The following PRMT7 variants were observed in gnomAD, a reference collection of about 807,000 sequenced individuals.
The protein encoded by PRMT7 is protein arginine N-methyltransferase 7.
In PRMT7, 75 loss-of-function variants were observed where a neutral mutation model predicts 85.4. That is an observed-to-expected ratio of 0.88 (90% CI 0.73 to 1.06). PRMT7 has a LOEUF of 1.06. PRMT7 is among the 50% of genes least tolerant of loss of function. The pLI, the probability that PRMT7 is intolerant of heterozygous loss-of-function variation, is 0.00. For missense variants in PRMT7, 868 were observed against 915.2 expected, an observed-to-expected ratio of 0.95 and a Z score of 0.67; for synonymous variants, 397 against 359.5, an observed-to-expected ratio of 1.10 and a Z score of -1.18.
chr16:68,353,604 G>A (rs372378719), intron 16 of PRMT7, 38 bp downstream of exon 16: 78 of 1,500,618 alleles, frequency 5.2e-5, no homozygotes, highest in Non-Finnish European at 6.4e-5. Flanking sequence ...CCCCCGACCT[G>A]CTCCTGTATC....
chr16:68,355,713 C>T lies in PRMT7; in HGVS notation c.1651-10C>T. 1 of 1,566,920 alleles carries T rather than the reference C, an allele frequency of 6.4e-7. No individual in the cohort carries two copies. On this transcript the variant is annotated splice_polypyrimidine_tract_variant and intron_variant, in intron 16 of 18. Coordinates refer to ENST00000441236, the MANE Select transcript of PRMT7 (RefSeq NM_019023.5). ...GTCTCTGCAGCCCCCAGGCCCCCTT[C>T]TGTTCGCAGCGTGCCCTGGACTTCA... is the stretch of plus-strand genomic sequence containing the variant.
chr16:68,336,226 C>G (rs897568971), intron 6 of PRMT7, among the ~76,000 whole-genome samples: 1 of 152,196 alleles, frequency 6.6e-6, no homozygotes, highest in Non-Finnish European at 1.5e-5. Flanking sequence ...TAGCCCCTTC[C>G]AAAGTCTATT....
downstream of PRMT7, chr16:68,358,604 T>C (rs2088990594): frequency 1.3e-5 from 2 of 152,672 alleles, no homozygotes; most frequent in African/African-American, 4.8e-5. Flanking sequence ...CTCAGCAAGT[T>C]AAAAAGCAAT....
intron 17 of PRMT7, 128 bp downstream of exon 17, chr16:68,356,011 C>A (rs1050234354): frequency 1.0e-5 from 11 of 1,065,914 alleles, no homozygotes; most frequent in South Asian, 2.2e-5. Flanking sequence ...CTCCCCACAA[C>A]CTTGCCCTTC....
intron 6 of PRMT7, among the ~76,000 whole-genome samples, chr16:68,332,256 A>C (rs990086587): frequency 6.6e-6 from 1 of 152,068 alleles, no homozygotes; most frequent in Non-Finnish European, 1.5e-5. Flanking sequence ...TGTCCTTTGC[A>C]TTGTAGGATG....
intron 15 of PRMT7, among the ~76,000 whole-genome samples, chr16:68,352,892 A>T (rs1015036742): frequency 4.6e-5 from 7 of 152,240 alleles, no homozygotes; most frequent in African/African-American, 1.7e-4. Flanking sequence ...TTTACCCTGG[A>T]TGGAGAGTGT....
At chr16:68,348,213 TA>T in intron 13 of PRMT7, 128 bp from the exon 14 acceptor site, 2 of 763,104 alleles carry the variant, frequency 2.6e-6, no homozygotes, top group Non-Finnish European at 4.4e-6. Flanking sequence ...ACAAAGCAGA[TA>T]AAAGTGGTGT....
At chr16:68,335,587 C>CT (rs879500343) in intron 6 of PRMT7, among the ~76,000 whole-genome samples, 1,455 of 143,702 alleles carry the variant, frequency 0.01, 26 homozygotes, top group African/African-American at 0.034. Flanking sequence ...AGGAAGTGTG[C>CT]TTTTTTTTTT....
At chr16:68,318,564 T>C (rs2082140918) in intron 3 of PRMT7, among the ~76,000 whole-genome samples, 1 of 151,990 alleles carries the variant, frequency 6.6e-6, no homozygotes, top group African/African-American at 2.4e-5. Flanking sequence ...GATGGAGTCT[T>C]ACTCTGTTGC....
chr16:68,340,546 A>C (rs1597366552), intron 9 of PRMT7, among the ~76,000 whole-genome samples: 1 of 150,212 alleles, frequency 6.7e-6, no homozygotes, highest in Admixed American at 6.7e-5. Flanking sequence ...GCATTACTGC[A>C]CTCCCGCCTG....
Position 68,345,680 on chromosome 16 carries a change from G to A in PRMT7, c.933G>A (p.Arg311=), listed in dbSNP as rs373513366. 7 of 1,612,302 alleles carry A rather than the reference G, an allele frequency of 4.3e-6. No homozygotes were observed. In the African/African-American group the frequency reaches 9.3e-5, roughly 22 times the overall value. The change falls in exon 10 of 19, where the codon CGG becomes CGA. Residue 311 remains arginine, a synonymous_variant. Transcript: ENST00000441236. ...GACTCTGTTCTCCGTTTCAGTGGCG[G>A]GACCACTGGATGCAGTGTGTGTACT... ...AHSDPEEMQW[R]DHWMQCVYFL...
intron 10 of PRMT7, 31 bp from the exon 11 acceptor site, chr16:68,346,114 C>T: frequency 6.2e-7 from 1 of 1,610,982 alleles, no homozygotes; most frequent in Non-Finnish European, 8.5e-7. Flanking sequence ...GCGCTCACAG[C>T]CCACGTCTGT....
intron 4 of PRMT7, 85 bp from the exon 5 acceptor site, chr16:68,324,598 G>T: frequency 6.5e-7 from 1 of 1,531,022 alleles, no homozygotes; most frequent in East Asian, 2.3e-5. Context: ...CACTGCCACT[G>T]CCAGCTGTGA....
chr16:68,343,601 G>A (rs928225659), intron 9 of PRMT7, among the ~76,000 whole-genome samples: 1 of 152,340 alleles, frequency 6.6e-6, no homozygotes, highest in African/African-American at 2.4e-5. Context: ...AGTATGGGAA[G>A]GACATGATGA....
chr16:68,356,683 C>A lies in PRMT7; in HGVS notation c.1812-18C>A, dbSNP rs754209937. The A allele has an allele frequency of 1.3e-6, 2 of 1,597,552 alleles. No homozygotes were observed. The highest frequency in any genetic ancestry group is 2.2e-5 in the East Asian group (1 of 44,558). ...CTCTTGTGTGACTACTTCTGCTGGG[C>A]CCCCCTCTCCTTGACAGGCCCGGGC... On this transcript the variant is annotated intron_variant, in intron 17 of 18. Coordinates refer to ENST00000441236, the MANE Select transcript of PRMT7 (RefSeq NM_019023.5).
intron 15 of PRMT7, among the ~76,000 whole-genome samples, chr16:68,352,915 G>A (rs1407343300): frequency 6.6e-6 from 1 of 152,228 alleles, no homozygotes; most frequent in Admixed American, 6.5e-5. Context: ...CTCATTTGAT[G>A]AGAGTGGTTT....
chr16:68,347,336 TG>T (rs1348663973), intron 12 of PRMT7, 42 bp downstream of exon 12: 1 of 1,501,338 alleles, frequency 6.7e-7, no homozygotes, highest in South Asian at 1.2e-5. Context: ...TGTGGGCTTG[TG>T]AGTTAGAGCA....
At chr16:68,334,118 A>G (rs1413850686) in intron 6 of PRMT7, among the ~76,000 whole-genome samples, 1 of 152,200 alleles carries the variant, frequency 6.6e-6, no homozygotes, top group African/African-American at 2.4e-5. Flanking sequence ...CAATCATTAA[A>G]TCATTATGTA....
chr16:68,358,880 T>A (rs2089026573), downstream of PRMT7: 1 of 152,264 alleles, frequency 6.6e-6, no homozygotes, highest in Admixed American at 6.6e-5. Context: ...GGCCCGGGAG[T>A]CCATAGGCAG....
Sources: allele counts gnomAD v4.1 joint callset (sites outside exome capture counted in the v4.1 genomes callset), GRCh38; gene constraint gnomAD v4.1.1; transcripts MANE v1.5; gene names NCBI Gene and HGNC (gene_info 2026-07-23, HGNC 2026-07-21).